Variants in STK33 observed in about 807,000 individuals in gnomAD.
The protein encoded by STK33 is serine/threonine-protein kinase 33.
STK33 carries 52 observed loss-of-function variants against 58.0 expected under a neutral mutation model. The observed-to-expected ratio is 0.90, with a 90% CI of 0.72 to 1.13. STK33 has a LOEUF of 1.13. Ranked by LOEUF, STK33 falls within the 50% of genes most tolerant of loss-of-function variation. STK33 has a pLI of 0.00. For synonymous variants in STK33, 215 were observed against 200.1 expected (o/e 1.07, Z -0.63); for missense variants, 630 against 604.2 (o/e 1.04, Z -0.45).
At chr11:8,559,236 C>T (rs1007269696) in intron 1 of STK33, among the ~76,000 whole-genome samples, 1 of 152,110 alleles carries the variant, frequency 6.6e-6, no homozygotes, top group Non-Finnish European at 1.5e-5. Flanking sequence ...ACTAATATAC[C>T]TTCTCACATA....
rs143041761 is a variant in STK33, at chr11:8,561,325, G to A, written c.-466+32758C>T. 3.1e-3 allele frequency among the ~76,000 whole-genome samples: 475 copies of A among 152,228 alleles called. 4 individuals carry two copies. Among genetic ancestry groups the A allele is most frequent in the African/African-American group, 0.011 (456 of 41,568 alleles). Reference sequence around the variant, plus strand: ...AAATCTGTGGGTCACACTATTCCCTGCCTACACACATTCCACCAAAACTCA... The same window carrying A: ...AAATCTGTGGGTCACACTATTCCCTACCTACACACATTCCACCAAAACTCA... On this transcript the variant is annotated intron_variant, in intron 1 of 15. Transcript: ENST00000687296.
intron 7 of STK33, 93 bp from the exon 8 acceptor site, chr11:8,462,002 C>A: frequency 1.1e-6 from 1 of 888,346 alleles, no homozygotes; most frequent in Non-Finnish European, 1.6e-6. Context: ...TACTTTTTTT[C>A]CTGTAACTTC....
intron 1 of STK33, among the ~76,000 whole-genome samples, chr11:8,530,429 G>A (rs993637415): frequency 1.3e-5 from 2 of 151,580 alleles, no homozygotes; most frequent in African/African-American, 4.9e-5. Context: ...TGTACCAGTG[G>A]AGAAATGTGT....
the STK33 span, among the ~76,000 whole-genome samples, chr11:8,354,635 A>T: frequency 1.3e-5 from 2 of 152,182 alleles, no homozygotes; most frequent in Non-Finnish European, 2.9e-5. Context: ...ACTTCCACCC[A>T]GGGGCATGAA....
At chr11:8,533,990 A>C (rs1954758477) in intron 1 of STK33, among the ~76,000 whole-genome samples, 1 of 152,114 alleles carries the variant, frequency 6.6e-6, no homozygotes, top group South Asian at 2.1e-4. Context: ...CAAACTGTAT[A>C]TGTGCCGGAG....
chr11:8,478,989 A>AT (rs1183793927), intron 2 of STK33, among the ~76,000 whole-genome samples: 1 of 152,138 alleles, frequency 6.6e-6, no homozygotes, highest in African/African-American at 2.4e-5. Context: ...TTATTTCAGA[A>AT]TTTTTTTAAA....
chr11:8,384,093 G>T, the STK33 span, among the ~76,000 whole-genome samples: 1 of 152,198 alleles, frequency 6.6e-6, no homozygotes, highest in Non-Finnish European at 1.5e-5. Context: ...GGCACAAGCT[G>T]TTCCAATATA....
At chr11:8,495,557 A>C (rs1040829434) in intron 1 of STK33, among the ~76,000 whole-genome samples, 3 of 152,218 alleles carry the variant, frequency 2.0e-5, no homozygotes, top group Non-Finnish European at 2.9e-5. Context: ...TCAAGGATCT[A>C]GAACTAGAAA....
chr11:8,523,798 C>G (rs1398966481), intron 1 of STK33, among the ~76,000 whole-genome samples: 1 of 151,918 alleles, frequency 6.6e-6, no homozygotes, highest in Non-Finnish European at 1.5e-5. Flanking sequence ...TCTGCCCGGC[C>G]GCCACCCTGT....
At chr11:8,340,923 A>T in the STK33 span, among the ~76,000 whole-genome samples, 1 of 152,124 alleles carries the variant, frequency 6.6e-6, no homozygotes, top group Non-Finnish European at 1.5e-5. Flanking sequence ...TAGTGGTGTG[A>T]TGTTGGCTCA....
At chr11:8,536,341 A>G (rs1312311999) in intron 1 of STK33, among the ~76,000 whole-genome samples, 1 of 152,206 alleles carries the variant, frequency 6.6e-6, no homozygotes, top group East Asian at 1.9e-4. Context: ...AAAGAACATG[A>G]ATTTCCAAAG....
In STK33 at chr11:8,392,601, A is replaced by C. The variant is rs759308961; in HGVS notation, c.1454T>G (p.Met485Arg). The C allele has an allele frequency of 6.2e-7, 1 of 1,614,110 alleles. No homozygotes were observed. Among genetic ancestry groups the C allele is most frequent in the Non-Finnish European group, 8.5e-7 (1 of 1,180,012 alleles). The change falls in exon 16 of 16, where the codon ATG becomes AGG. Residue 485 changes from methionine to arginine, a missense_variant. By Grantham distance (91) the Met-to-Arg change is moderately conservative. Transcript: ENST00000687296. The part of the protein sequence containing the change: ...KLLPAEIKGE[M>R]EKTPVTPSQG... ...GCTTGGAGTCACAGGGGTTTTCTCC[A>C]TTTCTCCCTTGATTTCAGCTGGAAG...
At chr11:8,369,843 G>A in the STK33 span, among the ~76,000 whole-genome samples, 291 of 152,344 alleles carry the variant, frequency 1.9e-3, 3 homozygotes, top group African/African-American at 6.9e-3. Context: ...TAGTCTTTGA[G>A]GCTTGAGATG....
the STK33 span, among the ~76,000 whole-genome samples, chr11:8,336,894 G>A: frequency 6.6e-6 from 1 of 152,234 alleles, no homozygotes; most frequent in Non-Finnish European, 1.5e-5. Flanking sequence ...TGGCCACTAA[G>A]CCCCGAGGCC....
chr11:8,457,593 A>G (rs113860364), intron 8 of STK33, 114 bp from the exon 9 acceptor site: 12 of 944,648 alleles, frequency 1.3e-5, no homozygotes, highest in African/African-American at 9.8e-5. Context: ...TTCATTCAAA[A>G]GTATTATCTA....
chr11:8,450,405 G>C (rs1430222034), intron 11 of STK33, among the ~76,000 whole-genome samples: 1 of 152,040 alleles, frequency 6.6e-6, no homozygotes, highest in South Asian at 2.1e-4. Context: ...GGGGCCTGTT[G>C]GGGGGTTGGG....
At chr11:8,455,713 C>T (rs887005626) in intron 9 of STK33, among the ~76,000 whole-genome samples, 3 of 142,352 alleles carry the variant, frequency 2.1e-5, no homozygotes, top group Non-Finnish European at 3.0e-5. Flanking sequence ...CGGGAGGCTG[C>T]GGCAGGAGAA....
chr11:8,489,257 C>CAAAAAAAAAAAAAAA (rs377017514), intron 1 of STK33, among the ~76,000 whole-genome samples: 1 of 64,338 alleles, frequency 1.6e-5, no homozygotes, highest in East Asian at 3.4e-4. Flanking sequence ...AAGCTATCTC[C>CAAAAAAAAAAAAAAA]AAAAAAAAAA....
rs567736534 is a variant in STK33 at position 8,452,565 on chromosome 11, G to A, written c.871+257C>T. 1.7e-3 allele frequency among the ~76,000 whole-genome samples: 252 copies of A among 152,156 alleles called. 2 individuals carry two copies. The highest frequency in any genetic ancestry group is 5.9e-3 in the African/African-American group (245 of 41,528). On this transcript the variant is annotated intron_variant, in intron 11 of 15. Transcript: ENST00000687296. ...GGAAAGGAGAGGCTGGAGGGATCAC[G>A]TGAGCCCAGGAGTTTTGAGACCATC...
Sources: allele counts gnomAD v4.1 joint callset (sites outside exome capture counted in the v4.1 genomes callset), GRCh38; gene constraint gnomAD v4.1.1; transcripts MANE v1.5; gene names NCBI Gene and HGNC (gene_info 2026-07-23, HGNC 2026-07-21).